Variants in TMCC1 observed in about 807,000 individuals in gnomAD.
TMCC1 encodes the protein transmembrane and coiled-coil domain family 1.
In TMCC1, 15 loss-of-function variants were observed where a neutral mutation model predicts 52.4. The ratio of observed to expected loss-of-function variants is 0.29; its 90% CI spans 0.19 to 0.44. The LOEUF (loss-of-function observed/expected upper bound fraction) is 0.44. Ranked by LOEUF, TMCC1 falls within the 20% of genes least tolerant of loss-of-function variation. TMCC1 has a pLI of 1.00. For missense variants in TMCC1, 503 were observed against 806.0 expected, an observed-to-expected ratio of 0.62 and a Z score of 4.55; for synonymous variants, 279 against 301.9, an observed-to-expected ratio of 0.92 and a Z score of 0.79.
intron 5 of TMCC1, among the ~76,000 whole-genome samples, chr3:129,661,574 C>A (rs1193254807): frequency 6.6e-6 from 1 of 152,114 alleles, no homozygotes; most frequent in African/African-American, 2.4e-5. Flanking sequence ...TTTGACTGGG[C>A]AAATTGCTTG....
chr3:129,852,883 A>C (rs1410927678), intron 2 of TMCC1, among the ~76,000 whole-genome samples: 2 of 152,228 alleles, frequency 1.3e-5, no homozygotes, highest in African/African-American at 4.8e-5. Flanking sequence ...TTTTGGTCTT[A>C]ACATTTTATA....
At chr3:129,860,351 T>A (rs2060331623) in intron 2 of TMCC1, among the ~76,000 whole-genome samples, 1 of 151,938 alleles carries the variant, frequency 6.6e-6, no homozygotes, top group Non-Finnish European at 1.5e-5. Context: ...ATTACAGGCA[T>A]GAGCCACTGC....
chr3:129,883,980 T>A (rs888929292), intron 1 of TMCC1, among the ~76,000 whole-genome samples: 1 of 152,116 alleles, frequency 6.6e-6, no homozygotes, highest in African/African-American at 2.4e-5. Flanking sequence ...AGATTTCTCA[T>A]TGGATACAAT....
intron 1 of TMCC1, among the ~76,000 whole-genome samples, chr3:129,884,802 G>A (rs559974502): frequency 1.3e-5 from 2 of 152,046 alleles, no homozygotes; most frequent in East Asian, 3.9e-4. Flanking sequence ...ATAATTTATC[G>A]ATTTTTTTCA....
At chr3:129,659,829 T>C (rs1319542407) in intron 5 of TMCC1, among the ~76,000 whole-genome samples, 1 of 152,230 alleles carries the variant, frequency 6.6e-6, no homozygotes, top group Non-Finnish European at 1.5e-5. Flanking sequence ...GTCCAGGTTT[T>C]GGATTAAAAT....
chr3:129,699,604 T>C (rs1218323321), intron 4 of TMCC1, among the ~76,000 whole-genome samples: 1 of 152,226 alleles, frequency 6.6e-6, no homozygotes. Context: ...AAACTTGCTT[T>C]CACTTTATGG....
chr3:129,729,770 A>G (rs1228644450), intron 4 of TMCC1, among the ~76,000 whole-genome samples: 2 of 152,126 alleles, frequency 1.3e-5, no homozygotes, highest in East Asian at 3.9e-4. Context: ...GAACGCTTAC[A>G]TTAGCCCACA....
intron 2 of TMCC1, among the ~76,000 whole-genome samples, chr3:129,856,712 T>C (rs1457669234): frequency 6.6e-6 from 1 of 152,208 alleles, no homozygotes; most frequent in Non-Finnish European, 1.5e-5. Flanking sequence ...CAATCTCCAG[T>C]GAAATTATCT....
At chr3:129,776,256 T>A (rs145492542) in intron 4 of TMCC1, among the ~76,000 whole-genome samples, 157 of 152,352 alleles carry the variant, frequency 1.0e-3, no homozygotes, top group African/African-American at 3.4e-3. Context: ...AGAAGAGAAA[T>A]CTTGTTTATC....
chr3:129,761,073 C>A (rs1012219435), intron 4 of TMCC1, among the ~76,000 whole-genome samples: 3 of 151,926 alleles, frequency 2.0e-5, no homozygotes, highest in African/African-American at 4.8e-5. Context: ...CGCCTGTAAT[C>A]CCAGCACTTT....
chr3:129,824,516 C>G (rs2058570711), intron 4 of TMCC1, among the ~76,000 whole-genome samples: 1 of 152,160 alleles, frequency 6.6e-6, no homozygotes, highest in East Asian at 1.9e-4. Flanking sequence ...ATCAAAATAT[C>G]TTTGGGGCCA....
chr3:129,692,698 T>TAC (rs2047112209), intron 4 of TMCC1, among the ~76,000 whole-genome samples: 2 of 152,186 alleles, frequency 1.3e-5, no homozygotes, highest in Non-Finnish European at 2.9e-5. Flanking sequence ...TCATAATTGA[T>TAC]ACAGGTGGTT....
At chr3:129,768,327 T>C (rs997206467) in intron 4 of TMCC1, among the ~76,000 whole-genome samples, 2 of 152,220 alleles carry the variant, frequency 1.3e-5, no homozygotes, top group Non-Finnish European at 2.9e-5. Flanking sequence ...AAGGAGTCCC[T>C]AAATCCAAAC....
intron 4 of TMCC1, among the ~76,000 whole-genome samples, chr3:129,776,850 G>A (rs1217489500): frequency 6.6e-6 from 1 of 152,076 alleles, no homozygotes; most frequent in Non-Finnish European, 1.5e-5. Flanking sequence ...GCCCAGGCTG[G>A]TCTCAAACTC....
At chr3:129,769,726 A>G (rs1449968656) in intron 4 of TMCC1, among the ~76,000 whole-genome samples, 3 of 152,092 alleles carry the variant, frequency 2.0e-5, no homozygotes, top group African/African-American at 7.2e-5. Flanking sequence ...TAACATCTGG[A>G]AATAACATAA....
At chr3:129,712,536 C>A (rs963843460) in intron 4 of TMCC1, among the ~76,000 whole-genome samples, 2 of 152,152 alleles carry the variant, frequency 1.3e-5, no homozygotes, top group African/African-American at 4.8e-5. Context: ...CAGCTTCGAC[C>A]CTCTGGGCTC....
intron 4 of TMCC1, among the ~76,000 whole-genome samples, chr3:129,739,890 C>T (rs2051309716): frequency 6.6e-6 from 1 of 152,230 alleles, no homozygotes; most frequent in Non-Finnish European, 1.5e-5. Context: ...TTAAATACTA[C>T]ATAGGAAAAG....
At chr3:129,797,887 A>G (rs2056939505) in intron 4 of TMCC1, among the ~76,000 whole-genome samples, 1 of 152,226 alleles carries the variant, frequency 6.6e-6, no homozygotes, top group African/African-American at 2.4e-5. Context: ...AGACTCCTTC[A>G]TACCAAGGTT....
intron 2 of TMCC1, among the ~76,000 whole-genome samples, chr3:129,870,612 G>A (rs545172867): frequency 3.4e-5 from 5 of 148,986 alleles, no homozygotes; most frequent in Admixed American, 6.8e-5. Context: ...GGTGGCTGGC[G>A]CCTGTAGTCC....
Sources: allele counts gnomAD v4.1 joint callset (sites outside exome capture counted in the v4.1 genomes callset), GRCh38; gene constraint gnomAD v4.1.1; transcripts MANE v1.5; gene names NCBI Gene and HGNC (gene_info 2026-07-23, HGNC 2026-07-21).